JAK1: variants seen among roughly 807,000 people sequenced by gnomAD.
The protein encoded by JAK1 is tyrosine-protein kinase JAK1.
A neutral mutation model predicts 136.6 loss-of-function variants in JAK1; 16 were observed. The observed-to-expected ratio is 0.12, with a 90% CI of 0.08 to 0.18. JAK1 has a LOEUF of 0.18. JAK1 is among the 10% of genes least tolerant of loss of function. JAK1 has a pLI of 1.00. For missense variants in JAK1, 859 were observed against 1,450.1 expected (o/e 0.59, Z 6.62); for synonymous variants, 492 against 519.5 (o/e 0.95, Z 0.72).
At chr1:64,986,081 C>A in intron 2 of JAK1, 3 of 998,322 alleles carry the variant, frequency 3.0e-6, no homozygotes, top group Non-Finnish European at 3.1e-6. Context: ...GGGTGACCTT[C>A]TATGTCCCCC....
At position 64,844,305 on chromosome 1, in the gene JAK1, G is replaced by A; in HGVS notation, c.2252-90C>T. On this transcript the variant is annotated intron_variant, in intron 16 of 24. Transcript: ENST00000342505. This position sits in a 1 kb window ranked among gnomAD's most constrained non-coding sequence, Gnocchi z 5.7. ...ACTGCAGCCAGAACAGTGAGCCAAT[G>A]AAGGAACTACTTCAAGCAGTGTGCC... The A allele has an allele frequency of 1.3e-6, 2 of 1,519,484 alleles. No individual in the cohort carries two copies. The highest frequency in any genetic ancestry group is 4.5e-5 in the East Asian group (2 of 44,306). 94.1% of individuals were successfully genotyped at this position (1,519,484 alleles called of 1,614,324 possible).
At chr1:65,053,289 T>C (rs1487113410) in intron 1 of JAK1, among the ~76,000 whole-genome samples, 3 of 151,996 alleles carry the variant, frequency 2.0e-5, no homozygotes, top group South Asian at 4.1e-4. Flanking sequence ...GAGGTTGCAA[T>C]GAGGCAAGAT....
chr1:65,059,144 GAAA>G (rs34865486), intron 1 of JAK1, among the ~76,000 whole-genome samples: 1 of 137,666 alleles, frequency 7.3e-6, no homozygotes, highest in African/African-American at 2.7e-5. Context: ...TTTATAGGCA[GAAA>G]AAAAAAAAAA....
chr1:64,985,955 C>T (rs374480288), intron 2 of JAK1: 1 of 1,098,332 alleles, frequency 9.1e-7, no homozygotes. Flanking sequence ...TTGCCTTGTC[C>T]TTCAAAGTGT....
chr1:64,860,242 G>A lies in JAK1; in HGVS notation c.1197C>T (p.His399=), dbSNP rs753751477. 1.6e-5 allele frequency: 26 copies of A among 1,605,510 alleles called. No homozygotes were observed. In the South Asian group the frequency reaches 2.0e-4, roughly 12 times the overall value. Reference sequence around the variant, plus strand: ...GGGACACAAAGGACAAGGCCTCCTCGTGGGAAGAGAGCTTCAGTTCCTGTT... The same window carrying A: ...GGGACACAAAGGACAAGGCCTCCTCATGGGAAGAGAGCTTCAGTTCCTGTT... The part of the protein sequence containing the change: ...NKKMELKLSS[H]EEALSFVSLV... The change falls in exon 9 of 25, where the codon CAC becomes CAT. Residue 399 remains histidine (H), a synonymous_variant. Coordinates refer to ENST00000342505, the MANE Select transcript of JAK1 (RefSeq NM_002227.4).
intron 5 of JAK1, among the ~76,000 whole-genome samples, chr1:64,869,943 T>C (rs1656972076): frequency 1.3e-5 from 2 of 152,158 alleles, no homozygotes; most frequent in African/African-American, 4.8e-5. Context: ...CGTTCCGCAG[T>C]GCATCATCAC....
chr1:65,051,889 G>A (rs940918236), intron 1 of JAK1, among the ~76,000 whole-genome samples: 2 of 152,130 alleles, frequency 1.3e-5, no homozygotes, highest in Non-Finnish European at 2.9e-5. Context: ...TACATTAGAA[G>A]CATGTATTAC....
At chr1:65,002,828 C>T (rs903363995) in intron 2 of JAK1, among the ~76,000 whole-genome samples, 42 of 152,326 alleles carry the variant, frequency 2.8e-4, no homozygotes, top group Admixed American at 1.2e-3. Flanking sequence ...CCCGGCCCCT[C>T]GCAGAGTCCC....
intron 1 of JAK1, among the ~76,000 whole-genome samples, chr1:64,905,566 C>T (rs1645177520): frequency 6.6e-6 from 1 of 151,972 alleles, no homozygotes; most frequent in South Asian, 2.1e-4. Context: ...GTAAAATTTC[C>T]CAAATACCCT....
intron 2 of JAK1, among the ~76,000 whole-genome samples, chr1:64,995,243 A>G (rs1646694242): frequency 6.6e-6 from 1 of 152,186 alleles, no homozygotes; most frequent in Non-Finnish European, 1.5e-5. Flanking sequence ...TTTTAGCACA[A>G]AGGCTTAGGC....
intron 2 of JAK1, among the ~76,000 whole-genome samples, chr1:65,043,952 C>A (rs965846506): frequency 6.6e-6 from 1 of 151,994 alleles, no homozygotes; most frequent in Non-Finnish European, 1.5e-5. Context: ...GAACTCCTGA[C>A]CTCAAGTGAT....
At chr1:64,972,737 C>T in intron 2 of JAK1, 1 of 152,318 alleles carries the variant, frequency 6.6e-6, no homozygotes, top group East Asian at 1.9e-4. Context: ...TGCCATGAGC[C>T]ACGATCCCAC....
chr1:64,853,798 C>T (rs550391771), intron 11 of JAK1, among the ~76,000 whole-genome samples: 1 of 152,158 alleles, frequency 6.6e-6, no homozygotes, highest in Non-Finnish European at 1.5e-5. Context: ...ATTATTCACG[C>T]TGACTCCGTG....
rs1644728239 is a variant in JAK1, at chr1:64,879,076, C to T, written c.278G>A (p.Arg93His). The change falls in exon 4 of 25, where the codon CGC becomes CAC. Residue 93 changes from arginine to histidine, a missense_variant. Transcript: ENST00000342505. Reference sequence around the variant, plus strand: ...CATCTTGTCATCAACGGTGATGGTGCGATTTGGAGCATACCAGAGCTTGGT... The same window carrying T: ...CATCTTGTCATCAACGGTGATGGTGTGATTTGGAGCATACCAGAGCTTGGT... ...ENTKLWYAPNRTITVDDKMSL... is the reference protein window; with the variant it reads ...ENTKLWYAPNHTITVDDKMSL... 6 of 1,613,760 alleles carry T rather than the reference C, an allele frequency of 3.7e-6. No individual in the cohort carries two copies. The highest frequency in any genetic ancestry group is 4.2e-6 in the Non-Finnish European group (5 of 1,179,914).
In JAK1 at chr1:64,834,464, C is replaced by A. The variant is rs1433358734; in HGVS notation, c.*98G>T. The A allele has an allele frequency of 2.5e-6, 2 of 815,282 alleles. No individual in the cohort carries two copies. Among genetic ancestry groups the A allele is most frequent in the Non-Finnish European group, 2.0e-6 (1 of 488,842 alleles). The allele number at this position is 815,282 out of a possible 1,614,324, so 50.5% of individuals were successfully genotyped here. A position where few individuals can be genotyped will look rare whatever the true frequency, so the allele number is the denominator to read the frequency against. On this transcript the variant is annotated 3_prime_UTR_variant, in exon 25 of 25. Coordinates refer to ENST00000342505, the MANE Select transcript of JAK1 (RefSeq NM_002227.4). ...GTTCAGTGACTTTTTGGACAGAACA[C>A]AAACTTCTTTCATTAGAAATTTTTA...
chr1:64,931,424 C>T (rs544482000), intron 1 of JAK1, among the ~76,000 whole-genome samples: 3 of 152,114 alleles, frequency 2.0e-5, no homozygotes, highest in South Asian at 2.1e-4. Context: ...TAGCTGTCCA[C>T]GCCGGGTGTC....
intron 2 of JAK1, 151 bp from the exon 3 acceptor site, chr1:64,883,626 C>T: frequency 6.7e-6 from 4 of 595,102 alleles, no homozygotes; most frequent in Non-Finnish European, 1.2e-5. Context: ...TCCTGGAAAC[C>T]AAACATGTCA....
intron 23 of JAK1, among the ~76,000 whole-genome samples, 157 bp from the exon 24 acceptor site, chr1:64,835,663 A>AT (rs1287535718): frequency 6.6e-6 from 1 of 152,196 alleles, no homozygotes; most frequent in Non-Finnish European, 1.5e-5. Context: ...CAAAATCCTT[A>AT]TTAGCTTTCA....
intron 2 of JAK1, chr1:64,979,626 T>A (rs1013628568): frequency 3.9e-5 from 6 of 152,212 alleles, no homozygotes; most frequent in African/African-American, 1.4e-4. Flanking sequence ...ATACATATGA[T>A]CAGTAACAAT....
Sources: allele counts gnomAD v4.1 joint callset (sites outside exome capture counted in the v4.1 genomes callset), GRCh38; gene constraint gnomAD v4.1.1; non-coding constraint Gnocchi (gnomAD v3.1); transcripts MANE v1.5; gene names NCBI Gene and HGNC (gene_info 2026-07-23, HGNC 2026-07-21).